The following RAB23 variants were observed in gnomAD, a reference collection of about 807,000 sequenced individuals.
RAB23 encodes ras-related protein Rab-23.
In RAB23, 15 loss-of-function variants were observed where a neutral mutation model predicts 30.0. The observed-to-expected ratio is 0.50, with a 90% CI of 0.33 to 0.77. RAB23 has a LOEUF of 0.77. Ranked by LOEUF, RAB23 falls within the 30% of genes least tolerant of loss-of-function variation. The pLI is 0.02. For missense variants in RAB23, 243 were observed against 275.4 expected (o/e 0.88, Z 0.83); for synonymous variants, 93 against 94.0 (o/e 0.99, Z 0.06).
chr6:57,217,746 A>T (rs1470023885), intron 1 of RAB23, among the ~76,000 whole-genome samples: 1 of 152,212 alleles, frequency 6.6e-6, no homozygotes, highest in Non-Finnish European at 1.5e-5. Context: ...GGAAGATACT[A>T]AAAAAGAAGA....
intron 1 of RAB23, among the ~76,000 whole-genome samples, chr6:57,218,765 T>C (rs1765941845): frequency 1.3e-5 from 2 of 151,870 alleles, no homozygotes; most frequent in Admixed American, 6.6e-5. Context: ...GGCACAAGAA[T>C]TGCTTGAACC....
rs1028796182 is a variant in RAB23 at position 57,188,100 on chromosome 6, C to T, written c.*2361G>A. On this transcript the variant is annotated 3_prime_UTR_variant, in exon 7 of 7. Coordinates refer to ENST00000468148, the MANE Select transcript of RAB23 (RefSeq NM_016277.5). ...AAAAAAGTAGATTAGAGCACAAATG[C>T]ACAATCACCTGGAATCTTGGAAAAG... The T allele has an allele frequency of 6.6e-6, 1 of 152,060 alleles. No individual in the cohort carries two copies. The highest frequency in any genetic ancestry group is 2.4e-5 in the African/African-American group (1 of 41,408). 9.4% of individuals were successfully genotyped at this position (152,060 alleles called of 1,614,324 possible).
At chr6:57,192,654 G>A (rs140228842) in intron 6 of RAB23, among the ~76,000 whole-genome samples, 130 of 152,238 alleles carry the variant, frequency 8.5e-4, no homozygotes, top group East Asian at 3.9e-3. Context: ...TTGGGAAGCC[G>A]AGACAGGAGG....
At chr6:57,209,551 G>A (rs1230465976) in intron 2 of RAB23, among the ~76,000 whole-genome samples, 4 of 151,914 alleles carry the variant, frequency 2.6e-5, no homozygotes, top group African/African-American at 4.8e-5. Flanking sequence ...GTTAAAGTTG[G>A]GCCAGTAACC....
At chr6:57,213,379 T>A (rs544881319) in intron 1 of RAB23, among the ~76,000 whole-genome samples, 1 of 152,152 alleles carries the variant, frequency 6.6e-6, no homozygotes, top group Non-Finnish European at 1.5e-5. Context: ...ACACAAGATG[T>A]AGTCTTTAGG....
At chr6:57,215,471 G>A (rs1271993090) in intron 1 of RAB23, among the ~76,000 whole-genome samples, 1 of 152,190 alleles carries the variant, frequency 6.6e-6, no homozygotes, top group Non-Finnish European at 1.5e-5. Flanking sequence ...AAACCATGGA[G>A]GCCAGAAGGA....
chr6:57,194,897 G>A (rs1744662646), intron 4 of RAB23, 45 bp from the exon 5 acceptor site: 1 of 1,421,650 alleles, frequency 7.0e-7, no homozygotes, highest in Admixed American at 1.7e-5. Context: ...GGTGCCTTCT[G>A]ATAGCTTGTT....
At chr6:57,196,080 T>C (rs530668012) in intron 4 of RAB23, among the ~76,000 whole-genome samples, 7 of 152,146 alleles carry the variant, frequency 4.6e-5, no homozygotes, top group Non-Finnish European at 8.8e-5. Flanking sequence ...TTCATCAACA[T>C]AGGATAGTTA....
Position 57,190,467 on chromosome 6 carries a change from T to C in RAB23, c.708A>G (p.Ile236Met), listed in dbSNP as rs1303773622. ...KNRNPFSSCS[I>M]P The stretch of plus-strand genomic sequence containing the variant: ...GTTTTCCTCCCAAAACATCTTAGGG[T>C]ATGCTACAGCTGCTAAAAGGATTTC... The change falls in exon 7 of 7, where the codon ATA becomes ATG. Residue 236 changes from isoleucine (I) to methionine (M), a missense_variant. Ile to Met is a conservative substitution (Grantham distance 10). Coordinates refer to ENST00000468148, the MANE Select transcript of RAB23 (RefSeq NM_016277.5). 1 of 1,614,064 alleles carries C rather than the reference T, an allele frequency of 6.2e-7. No individual in the cohort carries two copies. The highest frequency in any genetic ancestry group is 8.5e-7 in the Non-Finnish European group (1 of 1,179,934).
chr6:57,206,039 T>C (rs1765444936), intron 3 of RAB23, among the ~76,000 whole-genome samples: 1 of 152,198 alleles, frequency 6.6e-6, no homozygotes, highest in African/African-American at 2.4e-5. Context: ...TAAGGTTATG[T>C]GATGTTAGCT....
chr6:57,196,420 T>A, intron 4 of RAB23, 30 bp downstream of exon 4: 1 of 1,612,578 alleles, frequency 6.2e-7, no homozygotes, highest in Non-Finnish European at 8.5e-7. Context: ...AGAATTACTG[T>A]CCCTCCTTCC....
chr6:57,217,064 G>A (rs976928113), intron 1 of RAB23, among the ~76,000 whole-genome samples: 20 of 151,862 alleles, frequency 1.3e-4, no homozygotes, highest in Admixed American at 5.2e-4. Flanking sequence ...TTAAAATAAT[G>A]GAAATCATAC....
chr6:57,206,408 T>C (rs1702677072), intron 3 of RAB23, among the ~76,000 whole-genome samples: 1 of 151,926 alleles, frequency 6.6e-6, no homozygotes, highest in South Asian at 2.1e-4. Context: ...GATTTTGGGG[T>C]AATGAAACAA....
chr6:57,188,531 A>T lies in RAB23; in HGVS notation c.*1930T>A, dbSNP rs1764700755. 1 of 152,180 alleles carries T rather than the reference A, an allele frequency of 6.6e-6. No homozygotes were observed. Among genetic ancestry groups the T allele is most frequent in the African/African-American group, 2.4e-5 (1 of 41,452 alleles). The allele number at this position is 152,180 out of a possible 1,614,324, so 9.4% of individuals were successfully genotyped here. ...AAGTGATTTTTCTGCCAATAAAGAC[A>T]AAAGACTATTTGTTGCAAAGTATTA... On this transcript the variant is annotated 3_prime_UTR_variant, in exon 7 of 7. Transcript: ENST00000468148.
chr6:57,196,129 T>G (rs879764057), intron 4 of RAB23, among the ~76,000 whole-genome samples: 4 of 152,190 alleles, frequency 2.6e-5, no homozygotes, highest in Non-Finnish European at 5.9e-5. Context: ...ATGCTTTTCT[T>G]AACATTCTTA....
Position 57,196,483 on chromosome 6 carries a change from T to C in RAB23, c.365A>G (p.Lys122Arg). 6.2e-7 allele frequency: 1 copy of C among 1,614,038 alleles called. No individual in the cohort carries two copies. The highest frequency in any genetic ancestry group is 8.5e-7 in the Non-Finnish European group (1 of 1,179,956). ...ACAAGAATCATCCAGAAGATCAATC[T>C]TGTTTTGCACAAGTACAGTTGGTAT... ...GDIPTVLVQN[K>R]IDLLDDSCIK... The change falls in exon 4 of 7, where the codon AAG (lysine) becomes AGG (arginine). Residue 122 changes from lysine (K) to arginine (R), a missense_variant. By Grantham distance (26) the Lys-to-Arg change is conservative. Transcript: ENST00000468148.
Position 57,187,457 on chromosome 6 carries a change from CTGAG to C in RAB23, c.*3000_*3003del, listed in dbSNP as rs1330137935. 6.6e-6 allele frequency: 1 copy of C among 152,130 alleles called. No homozygotes were observed. Among genetic ancestry groups the C allele is most frequent in the Non-Finnish European group, 1.5e-5 (1 of 68,008 alleles). The allele number at this position is 152,130 out of a possible 1,614,324, so 9.4% of individuals were successfully genotyped here. ...ATGTGACATTCTTAACAGTTAAAAA[CTGAG>C]TAAGTCCTGTTCATTAGGTAGGTGC... is the stretch of plus-strand genomic sequence containing the variant. On this transcript the variant is annotated 3_prime_UTR_variant, in exon 7 of 7. Transcript: ENST00000468148.
intron 3 of RAB23, among the ~76,000 whole-genome samples, chr6:57,198,386 T>C (rs377378211): frequency 1.1e-3 from 162 of 152,016 alleles, no homozygotes; most frequent in Non-Finnish European, 1.9e-3. Context: ...TGGTGGCGGG[T>C]GCCTGTAGTC....
At chr6:57,217,945 C>T (rs1169572897) in intron 1 of RAB23, among the ~76,000 whole-genome samples, 1 of 152,166 alleles carries the variant, frequency 6.6e-6, no homozygotes, top group African/African-American at 2.4e-5. Flanking sequence ...GATAACGTAA[C>T]AACCCTACAC....
Sources: gnomAD v4.1 joint callset for allele counts (sites outside exome capture counted in the v4.1 genomes callset) on GRCh38, gnomAD v4.1.1 for gene constraint, MANE v1.5 for transcripts, NCBI Gene and HGNC (gene_info 2026-07-23, HGNC 2026-07-21) for gene names.